RSPO2: variants seen among roughly 807,000 people sequenced by gnomAD.
RSPO2 encodes the protein R-spondin-2.
In RSPO2, 14 loss-of-function variants were observed where a neutral mutation model predicts 30.9. The ratio of observed to expected loss-of-function variants is 0.45; its 90% CI spans 0.30 to 0.71. The LOEUF (loss-of-function observed/expected upper bound fraction) is 0.71. Among genes scored for constraint, RSPO2 ranks in the 30% least tolerant of loss-of-function variants. RSPO2 has a pLI of 0.08. For missense variants in RSPO2, 264 were observed against 301.9 expected, an observed-to-expected ratio of 0.87 and a Z score of 0.93; for synonymous variants, 107 against 96.4, an observed-to-expected ratio of 1.11 and a Z score of -0.64.
chr8:107,974,491 G>T (rs1814139159), intron 3 of RSPO2, among the ~76,000 whole-genome samples: 1 of 152,174 alleles, frequency 6.6e-6, no homozygotes, highest in South Asian at 2.1e-4. Flanking sequence ...TCCAGTCTGG[G>T]CAACAGAGTG....
intron 5 of RSPO2, among the ~76,000 whole-genome samples, chr8:107,927,204 T>C (rs1377696406): frequency 1.3e-5 from 2 of 152,208 alleles, no homozygotes; most frequent in Non-Finnish European, 2.9e-5. Context: ...GTTTGTCTGT[T>C]ATTGGTGTAT....
intron 5 of RSPO2, among the ~76,000 whole-genome samples, chr8:107,917,691 A>G (rs1379299806): frequency 1.3e-5 from 2 of 152,196 alleles, no homozygotes; most frequent in African/African-American, 4.8e-5. Flanking sequence ...ATTGTCAAAT[A>G]TGAAATGGTG....
intron 3 of RSPO2, among the ~76,000 whole-genome samples, chr8:107,979,448 G>A (rs947314774): frequency 4.6e-5 from 7 of 152,008 alleles, no homozygotes; most frequent in Non-Finnish European, 8.8e-5. Context: ...ACCAAACACC[G>A]TGTGTTCTCA....
chr8:107,921,417 A>G (rs1812167718), intron 5 of RSPO2, among the ~76,000 whole-genome samples: 1 of 152,010 alleles, frequency 6.6e-6, no homozygotes, highest in African/African-American at 2.4e-5. Context: ...GTGTCACATC[A>G]CTTATAAAAG....
At chr8:108,048,245 G>T (rs1055678156) in intron 2 of RSPO2, among the ~76,000 whole-genome samples, 30 of 152,004 alleles carry the variant, frequency 2.0e-4, no homozygotes, top group Admixed American at 2.6e-4. Context: ...CAGCTTGTAA[G>T]AAAGTCATGG....
intron 3 of RSPO2, among the ~76,000 whole-genome samples, chr8:107,978,566 C>T (rs1276392590): frequency 6.6e-6 from 1 of 152,114 alleles, no homozygotes; most frequent in Non-Finnish European, 1.5e-5. Flanking sequence ...AGACCTAAAA[C>T]CATAAAAACC....
At chr8:108,072,304 T>C (rs1812870504) in intron 2 of RSPO2, among the ~76,000 whole-genome samples, 1 of 146,638 alleles carries the variant, frequency 6.8e-6, no homozygotes, top group Non-Finnish European at 1.5e-5. Context: ...TGAAAAACAA[T>C]GAGATGGCAG....
At chr8:107,963,054 C>T (rs1813681423) in intron 3 of RSPO2, among the ~76,000 whole-genome samples, 1 of 152,066 alleles carries the variant, frequency 6.6e-6, no homozygotes, top group South Asian at 2.1e-4. Context: ...ACCTATCATG[C>T]TCTGTAAAGT....
chr8:107,983,877 G>T, intron 3 of RSPO2: 1 of 1,490,386 alleles, frequency 6.7e-7, no homozygotes, highest in Non-Finnish European at 9.4e-7. Context: ...GAAAGCCAAG[G>T]ACATTCCTGT....
chr8:108,056,208 C>G (rs1812236407), intron 2 of RSPO2, among the ~76,000 whole-genome samples: 1 of 152,126 alleles, frequency 6.6e-6, no homozygotes, highest in African/African-American at 2.4e-5. Context: ...AAATGAGATC[C>G]TGCAGCAGAG....
rs1014207742 is a variant in RSPO2 at position 107,980,236 on chromosome 8, T to A, written c.283+8820A>T. Among the ~76,000 whole-genome samples, 11 of 152,224 alleles carry A rather than the reference T, an allele frequency of 7.2e-5. No homozygotes were observed. The South Asian group carries it at 1.5e-3, about 20-fold the overall frequency. ...ATTCAATTCCATTCCATTTTTTTTT[T>A]AATAAAAACACACATTGGCCCTGCC... On this transcript the variant is annotated intron_variant, in intron 3 of 5. Coordinates refer to ENST00000276659, the MANE Select transcript of RSPO2 (RefSeq NM_178565.5).
chr8:107,986,003 C>G (rs1334924337), intron 3 of RSPO2, among the ~76,000 whole-genome samples: 4 of 152,138 alleles, frequency 2.6e-5, no homozygotes, highest in African/African-American at 9.7e-5. Flanking sequence ...GAGCAAGTTT[C>G]AAGTTTCACT....
intron 2 of RSPO2, among the ~76,000 whole-genome samples, chr8:108,070,563 C>T (rs1334144658): frequency 2.6e-5 from 4 of 152,158 alleles, no homozygotes; most frequent in Non-Finnish European, 5.9e-5. Flanking sequence ...AAGAAGACCC[C>T]ATCTCTTAAA....
intron 2 of RSPO2, among the ~76,000 whole-genome samples, chr8:108,052,244 T>G (rs1812100012): frequency 6.6e-6 from 1 of 152,262 alleles, no homozygotes; most frequent in East Asian, 1.9e-4. Flanking sequence ...CTAGCAAAAT[T>G]TGGCCTCTGT....
chr8:107,953,546 A>G lies in RSPO2; in HGVS notation c.616+4534T>C, dbSNP rs568396042. On this transcript the variant is annotated intron_variant, in intron 5 of 5. Transcript: ENST00000276659. Reference sequence around the variant, plus strand: ...AGCAAAAGTAAAATGATATTTCTGCATAGAGGGAGAAATGGTTAAAAGTTG... The same window carrying G: ...AGCAAAAGTAAAATGATATTTCTGCGTAGAGGGAGAAATGGTTAAAAGTTG... Among the ~76,000 whole-genome samples the G allele has an allele frequency of 2.6e-5, 4 of 152,322 alleles. No individual in the cohort carries two copies. In the South Asian group the frequency reaches 8.3e-4, roughly 32 times the overall value.
intron 5 of RSPO2, among the ~76,000 whole-genome samples, chr8:107,942,746 TTTA>T (rs1243552041): frequency 6.6e-6 from 1 of 152,204 alleles, no homozygotes; most frequent in African/African-American, 2.4e-5. Flanking sequence ...TAATCCTGAT[TTTA>T]TTGTTATTGT....
intron 3 of RSPO2, among the ~76,000 whole-genome samples, chr8:107,964,107 T>C (rs1965322): frequency 0.99 from 150,930 of 152,390 alleles, 74,741 homozygotes; most frequent in East Asian, 1. Context: ...GCTGACCATC[T>C]TGGCCTCATT....
intron 2 of RSPO2, among the ~76,000 whole-genome samples, chr8:108,008,787 C>CCAAA (rs554613191): frequency 8.1e-6 from 1 of 123,690 alleles, no homozygotes; most frequent in Non-Finnish European, 1.7e-5. Flanking sequence ...TCATAAACTG[C>CCAAA]AAAAAAAAAA....
intron 2 of RSPO2, among the ~76,000 whole-genome samples, chr8:108,030,119 GAAA>G (rs11434221): frequency 0.037 from 2,636 of 70,848 alleles, 80 homozygotes; most frequent in African/African-American, 0.12. Flanking sequence ...GGATAGATAG[GAAA>G]AAAAAAAAAA....
Sources: allele counts gnomAD v4.1 joint callset (sites outside exome capture counted in the v4.1 genomes callset), GRCh38; gene constraint gnomAD v4.1.1; transcripts MANE v1.5; gene names NCBI Gene and HGNC (gene_info 2026-07-23, HGNC 2026-07-21).